Variants in PLPPR5 observed in about 807,000 individuals in gnomAD.
PLPPR5 encodes the protein phospholipid phosphatase-related protein type 5.
In PLPPR5, 16 loss-of-function variants were observed where a neutral mutation model predicts 33.9. The ratio of observed to expected loss-of-function variants is 0.47; its 90% CI spans 0.32 to 0.72. The LOEUF is 0.72. Among genes scored for constraint, PLPPR5 ranks in the 30% least tolerant of loss-of-function variants. The pLI is 0.03. For synonymous variants in PLPPR5, 163 were observed against 150.3 expected (o/e 1.08, Z -0.62); for missense variants, 301 against 406.7 (o/e 0.74, Z 2.23).
chr1:98,905,338 A>T lies in PLPPR5; in HGVS notation c.933+9448T>A, dbSNP rs1027882331. Among the ~76,000 whole-genome samples, 9 of 152,256 alleles carry T rather than the reference A, an allele frequency of 5.9e-5. No individual in the cohort carries two copies. The South Asian group carries it at 1.9e-3, about 32-fold the overall frequency. ...TCTCTAATGATTTGTCTATTCATGA[A>T]CTTTACCAATTAGGATGTTTTCTAT... On this transcript the variant is annotated intron_variant, in intron 5 of 5. Transcript: ENST00000263177.
chr1:98,960,257 G>A lies in PLPPR5; in HGVS notation c.238-3516C>T, dbSNP rs11802763. Among the ~76,000 whole-genome samples the A allele has an allele frequency of 2.7e-3, 417 of 152,064 alleles. 2 individuals carry two copies. The highest frequency in any genetic ancestry group is 9.6e-3 in the African/African-American group (399 of 41,496). On this transcript the variant is annotated intron_variant, in intron 1 of 5. Coordinates refer to ENST00000263177, the MANE Select transcript of PLPPR5 (RefSeq NM_001037317.2). ...CTCACTCTGTCACCCAGGCTGGAGT[G>A]CAGTGGCGCACTCTTGGCTCACTGC...
intron 1 of PLPPR5, among the ~76,000 whole-genome samples, chr1:98,967,328 C>A (rs1485154217): frequency 6.6e-6 from 1 of 152,106 alleles, no homozygotes; most frequent in African/African-American, 2.4e-5. Context: ...ACATCCTCTG[C>A]GAGTCTACTG....
rs542761525 is a variant in PLPPR5, at chr1:98,976,909, C to T, written c.238-20168G>A. The stretch of plus-strand genomic sequence containing the variant: ...GTGTCCAGATTCTCTTCTCATGTCC[C>T]CTGGCCCATCATAGCAGCAGATAAT... On this transcript the variant is annotated intron_variant, in intron 1 of 5. Coordinates refer to ENST00000263177, the MANE Select transcript of PLPPR5 (RefSeq NM_001037317.2). Among the ~76,000 whole-genome samples, 203 of 151,876 alleles carry T rather than the reference C, an allele frequency of 1.3e-3. 1 individual carries two copies. Among genetic ancestry groups the T allele is most frequent in the Admixed American group, 2.7e-3 (41 of 15,238 alleles).
At chr1:98,974,495 G>A (rs1651777659) in intron 1 of PLPPR5, among the ~76,000 whole-genome samples, 1 of 152,058 alleles carries the variant, frequency 6.6e-6, no homozygotes, top group Non-Finnish European at 1.5e-5. Context: ...TAGGTGAGGA[G>A]TAGAAAATAG....
rs538365813 is a variant in PLPPR5, at chr1:98,991,847, AT to A, written c.237+12587del. On this transcript the variant is annotated intron_variant, in intron 1 of 5. Transcript: ENST00000263177. ...ACCTTTGCTAACCAGATAGCTAATG[AT>A]ACAGAGGCCCAAAAAAAAGGACTAG... Among the ~76,000 whole-genome samples the A allele has an allele frequency of 3.1e-4, 47 of 152,234 alleles. No homozygotes were observed. The Middle Eastern group carries it at 0.01, about 33-fold the overall frequency.
intron 1 of PLPPR5, among the ~76,000 whole-genome samples, chr1:98,993,682 A>C (rs1652535500): frequency 6.6e-6 from 1 of 152,052 alleles, no homozygotes; most frequent in East Asian, 1.9e-4. Flanking sequence ...AGGACTGCTC[A>C]ATTTTGGTGT....
At chr1:98,993,326 C>A (rs530681302) in intron 1 of PLPPR5, among the ~76,000 whole-genome samples, 2 of 151,974 alleles carry the variant, frequency 1.3e-5, no homozygotes, top group Non-Finnish European at 2.9e-5. Context: ...ACAGAAAGAG[C>A]CTGATAGTGT....
intron 3 of PLPPR5, among the ~76,000 whole-genome samples, chr1:98,933,325 T>C (rs1650053592): frequency 6.6e-6 from 1 of 150,982 alleles, no homozygotes; most frequent in Admixed American, 6.6e-5. Flanking sequence ...CTACTAAAAA[T>C]ACAAAAAATA....
chr1:98,892,370 CAAAT>C lies in PLPPR5; in HGVS notation c.*698_*701del, dbSNP rs1648307467. ...GCCACAATTGTCAGGAGAAGAAGTC[CAAAT>C]AAATAATTTTTAATTATGATACATT... is the stretch of plus-strand genomic sequence containing the variant. On this transcript the variant is annotated 3_prime_UTR_variant, in exon 6 of 6. Coordinates refer to ENST00000263177, the MANE Select transcript of PLPPR5 (RefSeq NM_001037317.2). 6.6e-6 allele frequency: 1 copy of C among 152,140 alleles called. No homozygotes were observed. The highest frequency in any genetic ancestry group is 1.5e-5 in the Non-Finnish European group (1 of 67,930). The allele number at this position is 152,140 out of a possible 1,614,324, so 9.4% of individuals were successfully genotyped here. A position where few individuals can be genotyped will look rare whatever the true frequency, so the allele number is the denominator to read the frequency against.
chr1:98,974,493 G>A (rs1553170975), intron 1 of PLPPR5, among the ~76,000 whole-genome samples: 1 of 152,072 alleles, frequency 6.6e-6, no homozygotes, highest in Non-Finnish European at 1.5e-5. Context: ...ATTAGGTGAG[G>A]AGTAGAAAAT....
intron 3 of PLPPR5, among the ~76,000 whole-genome samples, chr1:98,925,918 G>C (rs1434237852): frequency 6.6e-6 from 1 of 152,142 alleles, no homozygotes; most frequent in Non-Finnish European, 1.5e-5. Context: ...ACAATGTATG[G>C]TTATAATTTA....
intron 3 of PLPPR5, among the ~76,000 whole-genome samples, chr1:98,949,150 T>G (rs1650677684): frequency 6.6e-6 from 1 of 152,188 alleles, no homozygotes; most frequent in Admixed American, 6.5e-5. Context: ...AAAGGTAAAT[T>G]TAAACATTCT....
At chr1:98,971,590 C>T (rs1186312645) in intron 1 of PLPPR5, among the ~76,000 whole-genome samples, 1 of 151,932 alleles carries the variant, frequency 6.6e-6, no homozygotes, top group African/African-American at 2.4e-5. Context: ...GAATATTTGT[C>T]CAAATGTCCA....
chr1:99,003,834 G>A (rs937261079), intron 1 of PLPPR5, among the ~76,000 whole-genome samples: 1 of 152,236 alleles, frequency 6.6e-6, no homozygotes, highest in South Asian at 2.1e-4. Context: ...TTTCAGCAAA[G>A]CACTGGTGCT....
chr1:98,922,197 A>G (rs922159487), intron 3 of PLPPR5, 139 bp from the exon 4 acceptor site: 21 of 835,736 alleles, frequency 2.5e-5, no homozygotes, highest in Non-Finnish European at 2.8e-5. Flanking sequence ...GAGTTTATGA[A>G]GTTTTTGAAA....
At chr1:98,937,398 A>G (rs933856960) in intron 3 of PLPPR5, among the ~76,000 whole-genome samples, 1 of 152,188 alleles carries the variant, frequency 6.6e-6, no homozygotes, top group African/African-American at 2.4e-5. Context: ...GAGCAGCCTT[A>G]GCAATTTGCT....
intron 2 of PLPPR5, among the ~76,000 whole-genome samples, chr1:98,954,944 T>C (rs529587028): frequency 7.6e-6 from 1 of 130,982 alleles, no homozygotes; most frequent in East Asian, 2.5e-4. Context: ...AAATGTCTCT[T>C]GACACTTTAA....
In PLPPR5 at chr1:98,891,470, A is replaced by T. The variant is rs1484569010; in HGVS notation, c.*1602T>A. 1 of 152,084 alleles carries T rather than the reference A, an allele frequency of 6.6e-6. No individual in the cohort carries two copies. Among genetic ancestry groups the T allele is most frequent in the Non-Finnish European group, 1.5e-5 (1 of 67,994 alleles). The allele number at this position is 152,084 out of a possible 1,614,324, so 9.4% of individuals were successfully genotyped here. Reference sequence around the variant, plus strand: ...GCCAAAGTTACTTAGGGTAGTTTTAATTATTGCAAAGTTATTGTTGAGGAG... The same window carrying T: ...GCCAAAGTTACTTAGGGTAGTTTTATTTATTGCAAAGTTATTGTTGAGGAG... On this transcript the variant is annotated 3_prime_UTR_variant, in exon 6 of 6. Coordinates refer to ENST00000263177, the MANE Select transcript of PLPPR5 (RefSeq NM_001037317.2).
chr1:98,925,094 T>C (rs1905000), intron 3 of PLPPR5, among the ~76,000 whole-genome samples: 75,493 of 152,040 alleles, frequency 0.5, 19,678 homozygotes, highest in East Asian at 0.76. Flanking sequence ...AATTGTGTTA[T>C]CCTTACATAA....
Sources: gnomAD v4.1 joint callset for allele counts (sites outside exome capture counted in the v4.1 genomes callset) on GRCh38, gnomAD v4.1.1 for gene constraint, MANE v1.5 for transcripts, NCBI Gene and HGNC (gene_info 2026-07-23, HGNC 2026-07-21) for gene names.